The following MUC5B variants were observed in gnomAD, a reference collection of about 807,000 sequenced individuals.
The protein encoded by MUC5B is mucin-5B.
In MUC5B, 116 loss-of-function variants were observed where a neutral mutation model predicts 376.9. That is an observed-to-expected ratio of 0.31 (90% CI 0.26 to 0.36). MUC5B has a LOEUF of 0.36. Among genes scored for constraint, MUC5B ranks in the 10% least tolerant of loss-of-function variants. MUC5B has a pLI of 1.00. For missense variants in MUC5B, 7,165 were observed against 7,769.9 expected (o/e 0.92, Z 2.93); for synonymous variants, 3,517 against 3,390.9 (o/e 1.04, Z -1.29).
chr11:1,252,494 T>A lies in MUC5B; in HGVS notation c.15015T>A (p.Pro5005=), dbSNP rs1180086908. The A allele has an allele frequency of 6.4e-7, 1 of 1,572,340 alleles. No individual in the cohort carries two copies. The highest frequency in any genetic ancestry group is 1.9e-5 in the Admixed American group (1 of 53,780). ...SAPLSSPSPA[P]GCDNAIPLRQ... is the part of the protein sequence containing the mutation. ...CGCTGTCCTCGCCCTCCCCTGCCCC[T>A]GGCTGTGACAATGCCATCCCTCTCC... Residue 5005 remains proline, a synonymous_variant, in exon 32 of 49, where the codon CCT becomes CCA. Transcript: ENST00000529681.
rs78177850 is a variant in MUC5B, at chr11:1,238,930, T to C, written c.3357T>C (p.Gly1119=). 13 of 1,573,444 alleles carry C rather than the reference T, an allele frequency of 8.3e-6. No homozygotes were observed. The highest frequency in any genetic ancestry group is 6.0e-6 in the Non-Finnish European group (7 of 1,159,672). Residue 1119 remains glycine (G), a synonymous_variant, in exon 26 of 49, where the codon GGT becomes GGC. Coordinates refer to ENST00000529681, the MANE Select transcript of MUC5B (RefSeq NM_002458.3). ...ACGACGCGTGTGCCTGCGACTCGGG[T>C]GGCGACTGCGAGTGTTTCTGCACGG... ...CVNDACACDS[G]GDCECFCTAV...
rs1413277934 is a variant in MUC5B at position 1,251,020 on chromosome 11, A to C, written c.14140A>C (p.Thr4714Pro). 3.7e-6 allele frequency: 6 copies of C among 1,610,810 alleles called. No homozygotes were observed. The highest frequency in any genetic ancestry group is 5.1e-6 in the Non-Finnish European group (6 of 1,177,912). ...PITPVLTSTA[T>P]TPAATSSKAT... Reference sequence around the variant, plus strand: ...CACCCCAGTGCTGACCAGCACGGCCACCACACCCGCAGCCACCAGCTCCAA... The same window carrying C: ...CACCCCAGTGCTGACCAGCACGGCCCCCACACCCGCAGCCACCAGCTCCAA... Residue 4714 changes from threonine to proline, a missense_variant, in exon 31 of 49, where the codon ACC (threonine) becomes CCC (proline). Thr to Pro is a conservative substitution (Grantham distance 38). Around this residue, in one of 31 missense-constraint regions of MUC5B, gnomAD observed 730 missense variants for 592.7 expected, o/e 1.23. Transcript: ENST00000529681.
intron 44 of MUC5B, 41 bp downstream of exon 44, chr11:1,259,102 C>G (rs764949419): frequency 6.6e-7 from 1 of 1,512,724 alleles, no homozygotes; most frequent in South Asian, 1.2e-5. Flanking sequence ...GCCCCCGAGG[C>G]ACCTGCCCCC....
chr11:1,252,225 A>G, intron 31 of MUC5B, 118 bp from the exon 32 acceptor site: 1 of 1,017,406 alleles, frequency 9.8e-7, no homozygotes, highest in Non-Finnish European at 1.4e-6. Flanking sequence ...TGCCCTCTCC[A>G]CTCCCTTCCC....
chr11:1,236,332 C>T (rs766789063), intron 23 of MUC5B, 54 bp from the exon 24 acceptor site: 1 of 1,548,884 alleles, frequency 6.5e-7, no homozygotes, highest in South Asian at 1.2e-5. Flanking sequence ...GGGTCTCAGG[C>T]CCCTCCCTGG....
At position 1,233,086 on chromosome 11, in the gene MUC5B, C is replaced by A. The variant is rs553890416; in HGVS notation, c.2139C>A (p.Arg713=). The change falls in exon 18 of 49, where the codon CGC becomes CGA. Residue 713 remains arginine, a synonymous_variant. Coordinates refer to ENST00000529681, the MANE Select transcript of MUC5B (RefSeq NM_002458.3). ...TGGATGCCTGCCAGCCCACTTGCCG[C>A]GGCCTGAGTGAGGCCGACGTCACCT... ...YVVDACQPTC[R]GLSEADVTCS... is the part of the protein sequence containing the mutation. The A allele has an allele frequency of 1.2e-6, 2 of 1,607,350 alleles. No individual in the cohort carries two copies. Among genetic ancestry groups the A allele is most frequent in the Non-Finnish European group, 8.5e-7 (1 of 1,179,212 alleles).
At position 1,245,381 on chromosome 11, in the gene MUC5B, G is replaced by C. The variant is rs183218730; in HGVS notation, c.8501G>C (p.Arg2834Thr). ...GGGACGACCACCCCGGGCCACACCA[G>C]GGCCACCTCCAGGACCACGGCCACG... ...SPGTTTPGHT[R>T]ATSRTTATAT... The change falls in exon 31 of 49, where the codon AGG (arginine) becomes ACG (threonine). Residue 2834 changes from arginine to threonine, a missense_variant. This residue lies in a region of MUC5B where 50 missense variants were observed against 66.4 expected (regional missense o/e 0.75). Coordinates refer to ENST00000529681, the MANE Select transcript of MUC5B (RefSeq NM_002458.3). 18,922 of 1,515,410 alleles carry C rather than the reference G, an allele frequency of 0.012. 4,368 individuals carry two copies. Among genetic ancestry groups the C allele is most frequent in the Non-Finnish European group, 0.011 (12,519 of 1,116,026 alleles). The allele number at this position is 1,515,410 out of a possible 1,614,324, so 93.9% of individuals were successfully genotyped here.
chr11:1,241,214 C>A lies in MUC5B; in HGVS notation c.4334C>A (p.Ser1445Tyr). 6.3e-7 allele frequency: 1 copy of A among 1,593,312 alleles called. No individual in the cohort carries two copies. Residue 1445 changes from serine to tyrosine, a missense_variant, in exon 31 of 49, where the codon TCC becomes TAC. Transcript: ENST00000529681. ...SPAPGTSPQP[S>Y]LSASTEPAVP... ...GCCCCAGGCACCAGCCCTCAGCCCT[C>A]CCTCAGTGCCAGCACGGAGCCTGCT...
Position 1,238,963 on chromosome 11 carries a change from T to A in MUC5B, c.3390T>A (p.Ala1130=), listed in dbSNP as rs74763753. 95 of 1,574,572 alleles carry A rather than the reference T, an allele frequency of 6.0e-5. 1 individual carries two copies. In the East Asian group the frequency reaches 2.2e-3, roughly 37 times the overall value. ...GCGAGTGTTTCTGCACGGCTGTGGC[T>A]GCCTACGCCCAGGCCTGCCACGACG... ...GDCECFCTAV[A]AYAQACHDAG... Residue 1130 remains alanine (A), a synonymous_variant, in exon 26 of 49, where the codon GCT becomes GCA. Coordinates refer to ENST00000529681, the MANE Select transcript of MUC5B (RefSeq NM_002458.3).
rs1862623696 is a variant in MUC5B at position 1,249,986 on chromosome 11, A to C, written c.13106A>C (p.Lys4369Thr). The C allele has an allele frequency of 1.9e-6, 3 of 1,606,052 alleles. No individual in the cohort carries two copies. The highest frequency in any genetic ancestry group is 2.5e-6 in the Non-Finnish European group (3 of 1,176,648). The stretch of plus-strand genomic sequence containing the variant: ...CACACCTCCACAGTGCTGACCACGA[A>C]GGCCACCACGACAAGGGCCACCAGT... ...TTHTSTVLTTKATTTRATSST... is the reference protein window; with the variant it reads ...TTHTSTVLTTTATTTRATSST... Residue 4369 changes from lysine to threonine, a missense_variant, in exon 31 of 49, where the codon AAG becomes ACG. Lys to Thr is a moderately conservative substitution (Grantham distance 78). This residue lies in a region of MUC5B where 431 missense variants were observed against 390.4 expected (regional missense o/e 1.10). Transcript: ENST00000529681.
intron 25 of MUC5B, among the ~76,000 whole-genome samples, chr11:1,237,746 G>A (rs995324180): frequency 1.2e-4 from 18 of 152,318 alleles, no homozygotes; most frequent in African/African-American, 4.1e-4. Context: ...GTGTGTGCCT[G>A]TAATCCCAGC....
rs1449344918 is a variant in MUC5B at position 1,252,528 on chromosome 11, G to T, written c.15045+4G>T. 6 of 1,536,204 alleles carry T rather than the reference G, an allele frequency of 3.9e-6. No homozygotes were observed. Among genetic ancestry groups the T allele is most frequent in the Admixed American group, 2.0e-5 (1 of 50,124 alleles). ...CAATGCCATCCCTCTCCGGCAGGTGGGCCCCGCCTGCCCTCCACCTCCCGT... is the reference window on the plus strand; with the variant it reads ...CAATGCCATCCCTCTCCGGCAGGTGTGCCCCGCCTGCCCTCCACCTCCCGT... On this transcript the variant is annotated splice_donor_region_variant and intron_variant, in intron 32 of 48. Coordinates refer to ENST00000529681, the MANE Select transcript of MUC5B (RefSeq NM_002458.3).
rs772808256 is a variant in MUC5B, at chr11:1,227,295, TC to T, written c.577-9del. ...GAGGTCCTGAGGCTGGAGCTGCCCC[TC>T]CCCACTCTCAGCTGGAGCTGGATCC... is the stretch of plus-strand genomic sequence containing the variant. On this transcript the variant is annotated splice_polypyrimidine_tract_variant and intron_variant, in intron 5 of 48. Transcript: ENST00000529681. 8.7e-6 allele frequency: 14 copies of T among 1,609,338 alleles called. No homozygotes were observed. The highest frequency in any genetic ancestry group is 1.3e-5 in the African/African-American group (1 of 74,870).
intron 2 of MUC5B, 28 bp downstream of exon 2, chr11:1,225,765 G>C (rs376918466): frequency 1.1e-4 from 178 of 1,594,104 alleles, no homozygotes; most frequent in Non-Finnish European, 1.4e-4. Context: ...GGGGTGGGGG[G>C]TTCCTGACCA....
In MUC5B at chr11:1,257,997, G is replaced by A; in HGVS notation, c.16451-102G>A. On this transcript the variant is annotated intron_variant, in intron 41 of 48. Transcript: ENST00000529681. The surrounding 1 kb of genome is among the most constrained non-coding windows in gnomAD (Gnocchi z 8.9). ...GGGAGCCCCCAGGGGCTGTGAAGCG[G>A]TCAGGTCCTCGGGGAAAAGCACGCC... 8.2e-7 allele frequency: 1 copy of A among 1,224,886 alleles called. No homozygotes were observed. Among genetic ancestry groups the A allele is most frequent in the Non-Finnish European group, 1.2e-6 (1 of 867,214 alleles). 75.9% of individuals were successfully genotyped at this position (1,224,886 alleles called of 1,614,324 possible). A position where few individuals can be genotyped will look rare whatever the true frequency, so the allele number is the denominator to read the frequency against.
intron 2 of MUC5B, among the ~76,000 whole-genome samples, chr11:1,225,953 C>T (rs992786313): frequency 3.3e-5 from 5 of 152,254 alleles, no homozygotes; most frequent in Admixed American, 6.5e-5. Flanking sequence ...CAGAAGCACA[C>T]GCGTGGACAG....
In MUC5B at chr11:1,248,943, C is replaced by A. The variant is rs1399205562; in HGVS notation, c.12063C>A (p.Pro4021=). The A allele has an allele frequency of 9.4e-6, 15 of 1,600,392 alleles. No individual in the cohort carries two copies. Among genetic ancestry groups the A allele is most frequent in the African/African-American group, 1.4e-5 (1 of 73,990 alleles). Reference sequence around the variant, plus strand: ...GGCGATCCCTGTCCCCCAGCAGTCCCCACACGGTGCGCACAGCCTGGACTT... The same window carrying A: ...GGCGATCCCTGTCCCCCAGCAGTCCACACACGGTGCGCACAGCCTGGACTT... ...THGRSLSPSS[P]HTVRTAWTSA... The change falls in exon 31 of 49, where the codon CCC becomes CCA. Residue 4021 remains proline, a synonymous_variant. Transcript: ENST00000529681.
At chr11:1,230,795 C>T in intron 12 of MUC5B, 141 bp from the exon 13 acceptor site, 2 of 1,070,236 alleles carry the variant, frequency 1.9e-6, no homozygotes, top group Non-Finnish European at 2.7e-6. Flanking sequence ...GGGGCAATTG[C>T]AGAGCCCACC....
At position 1,253,903 on chromosome 11, in the gene MUC5B, A is replaced by G. The variant is rs117974143; in HGVS notation, c.15218-189A>G. ...CAAAGCCACATGCGGAGGTTCTGGG[A>G]TAGCCATAGATTTTGGGGGACCCCA... On this transcript the variant is annotated intron_variant, in intron 33 of 48. Coordinates refer to ENST00000529681, the MANE Select transcript of MUC5B (RefSeq NM_002458.3). This position sits in a 1 kb window ranked among gnomAD's most constrained non-coding sequence, Gnocchi z 4.3. 0.025 allele frequency among the ~76,000 whole-genome samples: 3,798 copies of G among 152,274 alleles called. 61 individuals carry two copies. Among genetic ancestry groups the G allele is most frequent in the Non-Finnish European group, 0.033 (2,224 of 68,002 alleles).
Sources: allele counts gnomAD v4.1 joint callset (sites outside exome capture counted in the v4.1 genomes callset), GRCh38; gene constraint gnomAD v4.1.1; regional missense constraint gnomAD v4.1.1; non-coding constraint Gnocchi (gnomAD v3.1); transcripts MANE v1.5; gene names NCBI Gene and HGNC (gene_info 2026-07-23, HGNC 2026-07-21).